RERE: variants seen among roughly 807,000 people sequenced by gnomAD.
RERE encodes arginine-glutamic acid dipeptide repeats protein.
Under a neutral mutation model 146.1 loss-of-function variants are expected in RERE, and 40 were observed. The observed-to-expected ratio is 0.27, with a 90% CI of 0.21 to 0.36. The LOEUF is 0.36. Ranked by LOEUF, RERE falls within the 10% of genes least tolerant of loss-of-function variation. The pLI, the probability that RERE is intolerant of heterozygous loss-of-function variation, is 1.00. For missense variants in RERE, 1,933 were observed against 2,138.7 expected, an observed-to-expected ratio of 0.90 and a Z score of 1.90; for synonymous variants, 1,003 against 866.0, an observed-to-expected ratio of 1.16 and a Z score of -2.78.
intron 12 of RERE, among the ~76,000 whole-genome samples, chr1:8,391,773 C>T (rs1053922074): frequency 6.6e-6 from 1 of 152,186 alleles, no homozygotes. Context: ...TGGTGGCTCA[C>T]GCCTGTAATT....
At chr1:8,545,685 C>CTT (rs1165619190) in intron 6 of RERE, among the ~76,000 whole-genome samples, 29 of 135,420 alleles carry the variant, frequency 2.1e-4, no homozygotes, top group East Asian at 6.3e-4. Context: ...ATAAAAAATT[C>CTT]TTTTTTTTTT....
At position 8,604,383 on chromosome 1, in the gene RERE, T is replaced by C. The variant is rs548012623; in HGVS notation, c.522+10178A>G. ...AGTTAAAAACAAAAACTAAAAAGAATAGACAGCAGGCTGAGACGTGTTAAG... is the reference window on the plus strand; with the variant it reads ...AGTTAAAAACAAAAACTAAAAAGAACAGACAGCAGGCTGAGACGTGTTAAG... On this transcript the variant is annotated intron_variant, in intron 4 of 22. Coordinates refer to ENST00000400908, the MANE Select transcript of RERE (RefSeq NM_001042681.2). Among the ~76,000 whole-genome samples the C allele has an allele frequency of 5.3e-5, 8 of 151,942 alleles. No homozygotes were observed. The South Asian group carries it at 1.2e-3, about 24-fold the overall frequency.
chr1:8,454,456 G>C (rs1259098852), intron 11 of RERE, among the ~76,000 whole-genome samples: 1 of 152,054 alleles, frequency 6.6e-6, no homozygotes, highest in African/African-American at 2.4e-5. Context: ...CAGCACCTCA[G>C]AATTTTCCCC....
chr1:8,767,641 A>T (rs1205963379), intron 1 of RERE, among the ~76,000 whole-genome samples: 1 of 150,498 alleles, frequency 6.6e-6, no homozygotes, highest in African/African-American at 2.4e-5. Flanking sequence ...AATGCTGCTT[A>T]TCAAAAAGGA....
chr1:8,422,915 G>C (rs925913881), intron 11 of RERE, 108 bp from the exon 12 acceptor site: 2 of 825,268 alleles, frequency 2.4e-6, no homozygotes, highest in East Asian at 2.5e-5. Context: ...AAAAAGTCTC[G>C]GCTAGGGAAT....
At chr1:8,488,871 T>C (rs921909821) in intron 10 of RERE, among the ~76,000 whole-genome samples, 2 of 152,186 alleles carry the variant, frequency 1.3e-5, no homozygotes, top group Non-Finnish European at 2.9e-5. Context: ...CAATTTTCAC[T>C]CCATAATTAA....
intron 3 of RERE, 50 bp downstream of exon 3, chr1:8,624,260 G>A: frequency 7.2e-7 from 1 of 1,392,438 alleles, no homozygotes; most frequent in Non-Finnish European, 1.0e-6. Flanking sequence ...AATGGAACTG[G>A]AAAAAGAGAG....
chr1:8,515,845 G>GT (rs751840918), intron 7 of RERE, among the ~76,000 whole-genome samples: 2 of 152,112 alleles, frequency 1.3e-5, no homozygotes, highest in African/African-American at 4.8e-5. Context: ...AAAGATGCAA[G>GT]TAATATCCAG....
intron 4 of RERE, among the ~76,000 whole-genome samples, chr1:8,584,994 A>G (rs1646409894): frequency 6.6e-6 from 1 of 151,966 alleles, no homozygotes; most frequent in African/African-American, 2.4e-5. Flanking sequence ...TCAAAGTACA[A>G]AAAAATTAGC....
chr1:8,374,062 T>G (rs1642144864), intron 12 of RERE, among the ~76,000 whole-genome samples: 1 of 152,232 alleles, frequency 6.6e-6, no homozygotes, highest in Non-Finnish European at 1.5e-5. Context: ...ATGATCTGCT[T>G]GAAGGCACAC....
At chr1:8,788,228 TAC>T (rs545870892) in intron 1 of RERE, among the ~76,000 whole-genome samples, 38 of 152,212 alleles carry the variant, frequency 2.5e-4, no homozygotes, top group African/African-American at 9.2e-4. Flanking sequence ...TTAAGGAATA[TAC>T]ATGTGAAAAA....
intron 7 of RERE, among the ~76,000 whole-genome samples, chr1:8,524,056 C>T (rs1570389100): frequency 1.3e-5 from 2 of 152,144 alleles, no homozygotes; most frequent in South Asian, 2.1e-4. Context: ...CAGTTCCTCT[C>T]GTCTATTGAA....
intron 8 of RERE, among the ~76,000 whole-genome samples, chr1:8,499,506 G>C (rs1371844226): frequency 1.3e-5 from 2 of 152,198 alleles, no homozygotes; most frequent in African/African-American, 2.4e-5. Context: ...ATGGGACCCA[G>C]TGTGTGTACA....
intron 10 of RERE, among the ~76,000 whole-genome samples, chr1:8,476,656 A>G (rs994746669): frequency 3.3e-5 from 5 of 152,250 alleles, no homozygotes; most frequent in African/African-American, 9.6e-5. Flanking sequence ...AACAACCAGT[A>G]TAATATGATT....
At chr1:8,730,239 G>A (rs1640053005) in intron 1 of RERE, among the ~76,000 whole-genome samples, 1 of 152,196 alleles carries the variant, frequency 6.6e-6, no homozygotes, top group African/African-American at 2.4e-5. Context: ...CAAAAATACA[G>A]CTTGAAGATG....
intron 20 of RERE, among the ~76,000 whole-genome samples, chr1:8,357,165 T>C (rs1421936156): frequency 6.6e-6 from 1 of 152,270 alleles, no homozygotes; most frequent in Non-Finnish European, 1.5e-5. Context: ...AAGGTAAATG[T>C]GGACAGGGGT....
At chr1:8,794,722 C>A (rs981123564) in intron 1 of RERE, among the ~76,000 whole-genome samples, 4 of 151,960 alleles carry the variant, frequency 2.6e-5, no homozygotes, top group Non-Finnish European at 5.9e-5. Context: ...CACGGCAAAA[C>A]CCCATCTTTA....
chr1:8,610,488 C>A (rs1051553624), intron 4 of RERE, among the ~76,000 whole-genome samples: 2 of 152,186 alleles, frequency 1.3e-5, no homozygotes, highest in Non-Finnish European at 2.9e-5. Context: ...ACTCCAGAGG[C>A]TGAGGCAGGA....
At chr1:8,804,611 C>T (rs931467900) in intron 1 of RERE, among the ~76,000 whole-genome samples, 2 of 152,068 alleles carry the variant, frequency 1.3e-5, no homozygotes, top group Non-Finnish European at 1.5e-5. Flanking sequence ...CCGTTATAAT[C>T]GAAGGGACAC....
Sources: gnomAD v4.1 joint callset for allele counts (sites outside exome capture counted in the v4.1 genomes callset) on GRCh38, gnomAD v4.1.1 for gene constraint, MANE v1.5 for transcripts, NCBI Gene and HGNC (gene_info 2026-07-23, HGNC 2026-07-21) for gene names.